The following NDUFAF1 variants were observed in gnomAD, a reference collection of about 807,000 sequenced individuals.
The protein encoded by NDUFAF1 is complex I intermediate-associated protein 30, mitochondrial.
A neutral mutation model predicts 28.7 loss-of-function variants in NDUFAF1; 18 were observed. The observed-to-expected ratio is 0.63, with a 90% CI of 0.43 to 0.93. NDUFAF1 has a LOEUF of 0.93. Among genes scored for constraint, NDUFAF1 ranks in the 40% least tolerant of loss-of-function variants. The pLI is 0.00. For synonymous variants in NDUFAF1, 113 were observed against 139.7 expected, an observed-to-expected ratio of 0.81 and a Z score of 1.35; for missense variants, 404 against 398.3, an observed-to-expected ratio of 1.01 and a Z score of -0.12.
chr15:41,396,341 T>C (rs1035997496), intron 2 of NDUFAF1, 146 bp downstream of exon 2: 1 of 756,042 alleles, frequency 1.3e-6, no homozygotes, highest in Non-Finnish European at 2.1e-6. Flanking sequence ...TGCCAATAGT[T>C]ACTTATCCCC....
upstream of NDUFAF1, among the ~76,000 whole-genome samples, chr15:41,402,952 G>A (rs2050485297): frequency 1.3e-5 from 2 of 151,558 alleles, no homozygotes; most frequent in Admixed American, 1.3e-4. Context: ...GGATGATCTC[G>A]ATCTCCTGAC....
Position 41,396,837 on chromosome 15 carries a change from CAGA to C in NDUFAF1, c.220_222del (p.Ser74del), listed in dbSNP as rs2050395428. On this transcript the variant is annotated inframe_deletion, in exon 2 of 5. Transcript: ENST00000260361. ...TCGAAACTAACATCAGGCTTCTCCT[CAGA>C]AGAAGTTATATCCAAAGCAACTTCT... The C allele has an allele frequency of 5.0e-6, 8 of 1,614,032 alleles. No homozygotes were observed. Among genetic ancestry groups the C allele is most frequent in the South Asian group, 1.1e-5 (1 of 91,086 alleles).
At chr15:41,399,778 C>T (rs1184845562) in intron 1 of NDUFAF1, among the ~76,000 whole-genome samples, 3 of 145,628 alleles carry the variant, frequency 2.1e-5, no homozygotes, top group Non-Finnish European at 4.5e-5. Flanking sequence ...ATGGCGTGAA[C>T]CCGGGAGGCG....
chr15:41,396,832 C>A lies in NDUFAF1; in HGVS notation c.228G>T (p.Glu76Asp). 6.2e-7 allele frequency: 1 copy of A among 1,614,138 alleles called. No individual in the cohort carries two copies. The highest frequency in any genetic ancestry group is 8.5e-7 in the Non-Finnish European group (1 of 1,180,020). Residue 76 changes from glutamate (E) to aspartate (D), a missense_variant, in exon 2 of 5, where the codon GAG becomes GAT. By Grantham distance (45) the Glu-to-Asp change is conservative. Coordinates refer to ENST00000260361, the MANE Select transcript of NDUFAF1 (RefSeq NM_016013.4). Reference sequence around the variant, plus strand: ...CTTTATCGAAACTAACATCAGGCTTCTCCTCAGAAGAAGTTATATCCAAAG... The same window carrying A: ...CTTTATCGAAACTAACATCAGGCTTATCCTCAGAAGAAGTTATATCCAAAG... ...EVALDITSSE[E>D]KPDVSFDKAI...
rs2050394081 is a variant in NDUFAF1 at position 41,396,764 on chromosome 15, T to A, written c.296A>T (p.Asp99Val). The A allele has an allele frequency of 1.2e-6, 2 of 1,614,032 alleles. No individual in the cohort carries two copies. Among genetic ancestry groups the A allele is most frequent in the African/African-American group, 2.7e-5 (2 of 74,914 alleles). ...EAIYHFRLLK[D>V]EIVDHWRGPE... The stretch of plus-strand genomic sequence containing the variant: ...TCCTCTCCAATGATCCACAATTTCA[T>A]CCTTCAAAAGCCTAAAATGGTATAT... The change falls in exon 2 of 5, where the codon GAT becomes GTT. Residue 99 changes from aspartate (D) to valine (V), a missense_variant. Asp to Val is a radical substitution (Grantham distance 152). Coordinates refer to ENST00000260361, the MANE Select transcript of NDUFAF1 (RefSeq NM_016013.4).
chr15:41,388,111 A>G (rs1327913288), intron 4 of NDUFAF1, among the ~76,000 whole-genome samples: 1 of 152,162 alleles, frequency 6.6e-6, no homozygotes, highest in Non-Finnish European at 1.5e-5. Flanking sequence ...CTCCATGTCA[A>G]AAAACAAAAA....
At position 41,397,131 on chromosome 15, in the gene NDUFAF1, C is replaced by G; in HGVS notation, c.-72G>C. ...CCACCAAGAAGCTTCAGCAAATAGC[C>G]CAATTCTACCTATAACAGAAGAGAC... On this transcript the variant is annotated 5_prime_UTR_variant, in exon 2 of 5. Coordinates refer to ENST00000260361, the MANE Select transcript of NDUFAF1 (RefSeq NM_016013.4). 1 of 1,204,586 alleles carries G rather than the reference C, an allele frequency of 8.3e-7. No individual in the cohort carries two copies. The highest frequency in any genetic ancestry group is 1.3e-5 in the South Asian group (1 of 79,720). 74.6% of individuals were successfully genotyped at this position (1,204,586 alleles called of 1,614,324 possible).
chr15:41,399,708 T>C (rs1482629645), intron 1 of NDUFAF1, among the ~76,000 whole-genome samples: 1 of 149,356 alleles, frequency 6.7e-6, no homozygotes, highest in Non-Finnish European at 1.5e-5. Context: ...TACAAAAAAT[T>C]AGCCGGGCGT....
intron 3 of NDUFAF1, 105 bp downstream of exon 3, chr15:41,394,754 G>A (rs1405228225): frequency 2.6e-6 from 3 of 1,171,202 alleles, no homozygotes; most frequent in Non-Finnish European, 3.8e-6. Flanking sequence ...CTGACCTCAG[G>A]TGATCCACCC....
rs550632238 is a variant in NDUFAF1, at chr15:41,390,625, T to C, written c.760-2103A>G. 2.5e-3 allele frequency among the ~76,000 whole-genome samples: 379 copies of C among 151,584 alleles called. 2 individuals carry two copies. The highest frequency in any genetic ancestry group is 6.4e-3 in the South Asian group (31 of 4,818). Reference sequence around the variant, plus strand: ...CTGTAGTCCCAGCTACTCAGGAGGCTGAGGCAGGAGAATGGCGTGAACCCG... The same window carrying C: ...CTGTAGTCCCAGCTACTCAGGAGGCCGAGGCAGGAGAATGGCGTGAACCCG... On this transcript the variant is annotated intron_variant, in intron 3 of 4. Transcript: ENST00000260361.
intron 3 of NDUFAF1, among the ~76,000 whole-genome samples, chr15:41,392,477 G>C (rs1357540077): frequency 1.3e-5 from 2 of 152,136 alleles, no homozygotes; most frequent in Non-Finnish European, 2.9e-5. Context: ...ATCCCCATGT[G>C]TCAAGGGAGG....
intron 3 of NDUFAF1, 55 bp from the exon 4 acceptor site, chr15:41,388,577 G>T: frequency 1.8e-6 from 2 of 1,089,036 alleles, no homozygotes; most frequent in Non-Finnish European, 2.8e-6. Context: ...TGAGGCATCT[G>T]CATGTAATTG....
intron 3 of NDUFAF1, among the ~76,000 whole-genome samples, chr15:41,392,013 A>G (rs542862970): frequency 2.0e-5 from 3 of 151,338 alleles, no homozygotes; most frequent in Non-Finnish European, 4.4e-5. Context: ...AGATGAAGAC[A>G]GGGGTCCGAT....
intron 1 of NDUFAF1, among the ~76,000 whole-genome samples, chr15:41,400,586 G>T (rs2050448739): frequency 6.7e-6 from 1 of 150,284 alleles, no homozygotes; most frequent in African/African-American, 2.4e-5. Flanking sequence ...GCAGTGGCAC[G>T]ATCTCGGCTC....
chr15:41,394,202 ATTT>A (rs1370924048), intron 3 of NDUFAF1: 2 of 471,758 alleles, frequency 4.2e-6, no homozygotes, highest in African/African-American at 4.0e-5. Context: ...CTAATTTTGT[ATTT>A]TTTTTAGTAG....
chr15:41,400,964 T>A (rs1469594547), intron 1 of NDUFAF1, among the ~76,000 whole-genome samples: 1 of 151,084 alleles, frequency 6.6e-6, no homozygotes, highest in East Asian at 1.9e-4. Context: ...AAAATGACAT[T>A]ATCAATACTT....
At chr15:41,391,190 T>A (rs2050311755) in intron 3 of NDUFAF1, among the ~76,000 whole-genome samples, 1 of 151,784 alleles carries the variant, frequency 6.6e-6, no homozygotes, top group Non-Finnish European at 1.5e-5. Context: ...ATATATAATT[T>A]GTGTTATATA....
At position 41,402,184 on chromosome 15, in the gene NDUFAF1, A is replaced by G. The variant is rs1279977202; in HGVS notation, c.-122T>C. 16 of 453,970 alleles carry G rather than the reference A, an allele frequency of 3.5e-5. No individual in the cohort carries two copies. The highest frequency in any genetic ancestry group is 3.3e-4 in the Admixed American group (14 of 42,550). The allele number at this position is 453,970 out of a possible 1,614,324, so 28.1% of individuals were successfully genotyped here. Reference sequence around the variant, plus strand: ...GCTCTAAGTGTTTCACTGACGGCTCACAACAATCCTGAGAGAGGTACTATT... The same window carrying G: ...GCTCTAAGTGTTTCACTGACGGCTCGCAACAATCCTGAGAGAGGTACTATT... On this transcript the variant is annotated 5_prime_UTR_variant, in exon 1 of 5. Coordinates refer to ENST00000260361, the MANE Select transcript of NDUFAF1 (RefSeq NM_016013.4).
chr15:41,394,550 C>T (rs1471051455), intron 3 of NDUFAF1, among the ~76,000 whole-genome samples: 2 of 151,002 alleles, frequency 1.3e-5, no homozygotes, highest in African/African-American at 4.9e-5. Flanking sequence ...TTCTTCTACC[C>T]ACCCACCCCC....
Sources: allele counts gnomAD v4.1 joint callset (sites outside exome capture counted in the v4.1 genomes callset), GRCh38; gene constraint gnomAD v4.1.1; transcripts MANE v1.5; gene names NCBI Gene and HGNC (gene_info 2026-07-23, HGNC 2026-07-21).